Variants in USP3 observed in about 807,000 individuals in gnomAD.
USP3 encodes ubiquitin carboxyl-terminal hydrolase 3.
USP3 carries 20 observed loss-of-function variants against 72.3 expected under a neutral mutation model. That is an observed-to-expected ratio of 0.28 (90% confidence interval 0.19 to 0.40). The LOEUF (loss-of-function observed/expected upper bound fraction) is 0.40, where lower values mean the gene tolerates loss of function less well. Ranked by LOEUF, USP3 falls within the 10% of genes least tolerant of loss-of-function variation. The pLI, the probability that USP3 is intolerant of heterozygous loss-of-function variation, is 1.00. For synonymous variants in USP3, 222 were observed against 225.3 expected (o/e 0.99, Z 0.13); for missense variants, 479 against 633.9 (o/e 0.76, Z 2.62).
chr15:63,570,664 G>T lies in USP3; in HGVS notation c.908+85G>T, dbSNP rs2066765333. On this transcript the variant is annotated intron_variant, in intron 9 of 14. Transcript: ENST00000380324. The surrounding 1 kb of genome is among the most constrained non-coding windows in gnomAD (Gnocchi z 4.4). The stretch of plus-strand genomic sequence containing the variant: ...TTATGTGTTAGATTTATAACGGAAG[G>T]TAGAGGGGTTTCTTGGACATTTGCT... 6.6e-7 allele frequency: 1 copy of T among 1,520,870 alleles called. No homozygotes were observed. Among genetic ancestry groups the T allele is most frequent in the Non-Finnish European group, 8.8e-7 (1 of 1,136,152 alleles). 94.2% of individuals were successfully genotyped at this position (1,520,870 alleles called of 1,614,324 possible).
chr15:63,564,551 C>T (rs1048773256), intron 8 of USP3, among the ~76,000 whole-genome samples: 1 of 152,264 alleles, frequency 6.6e-6, no homozygotes, highest in Middle Eastern at 3.4e-3. Context: ...TCTGCTTTTC[C>T]TGTAAATCTT....
chr15:63,506,326 G>T (rs898145617), intron 1 of USP3, among the ~76,000 whole-genome samples: 1 of 151,670 alleles, frequency 6.6e-6, no homozygotes, highest in African/African-American at 2.4e-5. Context: ...CATTGCTGTG[G>T]TGCTATAATT....
intron 1 of USP3, chr15:63,530,515 T>G (rs912396478): frequency 8.4e-6 from 3 of 356,346 alleles, no homozygotes; most frequent in Non-Finnish European, 1.6e-5. Flanking sequence ...GTTTCACCAT[T>G]TTACCAAAGC....
intron 11 of USP3, among the ~76,000 whole-genome samples, chr15:63,582,760 A>G (rs1488743816): frequency 6.6e-6 from 1 of 152,206 alleles, no homozygotes; most frequent in East Asian, 1.9e-4. Context: ...CCTCCTTTGC[A>G]TTGGAGAGAA....
At position 63,529,145 on chromosome 15, in the gene USP3, C is replaced by G. The variant is rs1319817529; in HGVS notation, c.92-3502C>G. ...TCCCAAGTAGCTGGGACTACAGATG[C>G]AATCACCACCACACTTGGCAGGTAG... On this transcript the variant is annotated intron_variant, in intron 1 of 14. Transcript: ENST00000380324. This position sits in a 1 kb window ranked among gnomAD's most constrained non-coding sequence, Gnocchi z 4.2. The G allele has an allele frequency of 5.5e-6, 5 of 905,700 alleles. No individual in the cohort carries two copies. The Admixed American group carries it at 7.0e-5, about 13-fold the overall frequency. The allele number at this position is 905,700 out of a possible 1,614,324, so 56.1% of individuals were successfully genotyped here.
chr15:63,577,483 G>C (rs867140183), intron 11 of USP3, among the ~76,000 whole-genome samples: 2 of 152,158 alleles, frequency 1.3e-5, no homozygotes, highest in African/African-American at 4.8e-5. Context: ...AAGGCCGGGC[G>C]TGGTGGCTCA....
intron 14 of USP3, among the ~76,000 whole-genome samples, chr15:63,589,815 T>C (rs2067152468): frequency 6.7e-6 from 1 of 148,440 alleles, no homozygotes; most frequent in Non-Finnish European, 1.5e-5. Flanking sequence ...AAGACTGCCA[T>C]GGCCTACTTT....
intron 11 of USP3, among the ~76,000 whole-genome samples, chr15:63,579,165 A>G (rs2066913176): frequency 6.6e-6 from 1 of 152,242 alleles, no homozygotes; most frequent in African/African-American, 2.4e-5. Flanking sequence ...AAAACATTAT[A>G]AAAGGACAGA....
chr15:63,555,469 TTTAA>T (rs1158797929), intron 4 of USP3, among the ~76,000 whole-genome samples: 1 of 151,832 alleles, frequency 6.6e-6, no homozygotes, highest in African/African-American at 2.4e-5. Context: ...AAACTTCAAG[TTTAA>T]TTAATTTAAA....
chr15:63,515,905 C>G (rs1048236445), intron 1 of USP3, among the ~76,000 whole-genome samples: 2 of 152,184 alleles, frequency 1.3e-5, no homozygotes, highest in Non-Finnish European at 2.9e-5. Flanking sequence ...TTAGCATTCT[C>G]TCTCATATTT....
rs926841331 is a variant in USP3 at position 63,544,624 on chromosome 15, C to T, written c.284+7468C>T. The T allele has an allele frequency of 1.4e-6, 1 of 692,222 alleles. No individual in the cohort carries two copies. Among genetic ancestry groups the T allele is most frequent in the Non-Finnish European group, 2.6e-6 (1 of 380,178 alleles). 42.9% of individuals were successfully genotyped at this position (692,222 alleles called of 1,614,324 possible). On this transcript the variant is annotated intron_variant, in intron 3 of 14. Coordinates refer to ENST00000380324, the MANE Select transcript of USP3 (RefSeq NM_006537.4). The surrounding 1 kb of genome is among the most constrained non-coding windows in gnomAD (Gnocchi z 4.2). ...ACGATTGAGCCATGCTGTGTGTTTTCATTTTTGGAGAATGGGGGAAGAATG... is the reference window on the plus strand; with the variant it reads ...ACGATTGAGCCATGCTGTGTGTTTTTATTTTTGGAGAATGGGGGAAGAATG...
intron 1 of USP3, among the ~76,000 whole-genome samples, chr15:63,516,257 C>T (rs1365132905): frequency 6.6e-6 from 1 of 152,216 alleles, no homozygotes; most frequent in African/African-American, 2.4e-5. Context: ...AATCTCCAAG[C>T]ACTAACTCTT....
At chr15:63,561,566 C>T (rs1595750378) in intron 7 of USP3, among the ~76,000 whole-genome samples, 2 of 152,186 alleles carry the variant, frequency 1.3e-5, no homozygotes. Context: ...TCTTTGCCCC[C>T]CCTGCTACCA....
At chr15:63,551,809 C>T (rs1227607161) in intron 3 of USP3, 2 of 152,126 alleles carry the variant, frequency 1.3e-5, no homozygotes, top group Admixed American at 6.6e-5. Flanking sequence ...TTGCACAGCT[C>T]TGGAGTCTAG....
intron 11 of USP3, among the ~76,000 whole-genome samples, chr15:63,575,377 T>C (rs1386828468): frequency 1.3e-5 from 2 of 152,114 alleles, no homozygotes; most frequent in Non-Finnish European, 2.9e-5. Flanking sequence ...ATAAAACTTT[T>C]GTTGGAGAAG....
At chr15:63,509,969 A>G (rs188922139) in intron 1 of USP3, among the ~76,000 whole-genome samples, 87 of 152,324 alleles carry the variant, frequency 5.7e-4, no homozygotes, top group Non-Finnish European at 7.4e-4. Context: ...AGAAGAAATG[A>G]TGGAGTTGGG....
chr15:63,549,531 G>A (rs931617419), intron 3 of USP3, among the ~76,000 whole-genome samples: 12 of 152,216 alleles, frequency 7.9e-5, no homozygotes, highest in East Asian at 5.8e-4. Flanking sequence ...TCAACAAAGC[G>A]TTTGTTGTAT....
At chr15:63,509,909 C>T (rs1255762526) in intron 1 of USP3, among the ~76,000 whole-genome samples, 1 of 152,054 alleles carries the variant, frequency 6.6e-6, no homozygotes, top group Admixed American at 6.6e-5. Flanking sequence ...AAGTTCTTTC[C>T]CTAATAATAT....
chr15:63,511,845 T>C (rs1179390083), intron 1 of USP3, among the ~76,000 whole-genome samples: 1 of 152,172 alleles, frequency 6.6e-6, no homozygotes, highest in South Asian at 2.1e-4. Context: ...TTGCTTTTAG[T>C]CAGTATACTT....
Sources: gnomAD v4.1 joint callset for allele counts (sites outside exome capture counted in the v4.1 genomes callset) on GRCh38, gnomAD v4.1.1 for gene constraint, Gnocchi (gnomAD v3.1) non-coding constraint, MANE v1.5 for transcripts, NCBI Gene and HGNC (gene_info 2026-07-23, HGNC 2026-07-21) for gene names.